Variants in NRXN1 observed in about 807,000 individuals in gnomAD.
NRXN1 encodes the protein neurexin-1.
A neutral mutation model predicts 150.9 loss-of-function variants in NRXN1; 39 were observed. The ratio of observed to expected loss-of-function variants is 0.26; its 90% CI spans 0.20 to 0.34. The LOEUF is 0.34. NRXN1 is among the 10% of genes least tolerant of loss of function. NRXN1 has a pLI of 1.00. For synonymous variants in NRXN1, 924 were observed against 757.0 expected (o/e 1.22, Z -3.62); for missense variants, 1,815 against 1,949.9 (o/e 0.93, Z 1.30).
At chr2:50,118,394 A>G (rs1271114304) in intron 18 of NRXN1, among the ~76,000 whole-genome samples, 1 of 152,118 alleles carries the variant, frequency 6.6e-6, no homozygotes, top group African/African-American at 2.4e-5. Flanking sequence ...AAAAATCTTT[A>G]AATAATTTGA....
At chr2:50,669,961 A>G (rs1365699617) in intron 5 of NRXN1, among the ~76,000 whole-genome samples, 1 of 151,930 alleles carries the variant, frequency 6.6e-6, no homozygotes, top group African/African-American at 2.4e-5. Flanking sequence ...AGGCTAATCC[A>G]AAAGGAGAAC....
intron 19 of NRXN1, among the ~76,000 whole-genome samples, chr2:50,076,918 C>G (rs1260764114): frequency 6.6e-6 from 1 of 152,164 alleles, no homozygotes; most frequent in Non-Finnish European, 1.5e-5. Context: ...ATCATCTGAC[C>G]TGGTGAGGAC....
intron 17 of NRXN1, among the ~76,000 whole-genome samples, chr2:50,342,877 G>T (rs1467866813): frequency 6.6e-6 from 1 of 152,140 alleles, no homozygotes; most frequent in Admixed American, 6.6e-5. Context: ...CCGTCTTTTG[G>T]CCCATTTATG....
intron 17 of NRXN1, among the ~76,000 whole-genome samples, chr2:50,353,533 C>T (rs2078573660): frequency 6.6e-6 from 1 of 152,032 alleles, no homozygotes; most frequent in Non-Finnish European, 1.5e-5. Context: ...TTAAGGGCCC[C>T]TTGTCCCAGT....
intron 17 of NRXN1, among the ~76,000 whole-genome samples, chr2:50,264,620 G>C (rs1313823921): frequency 6.6e-6 from 1 of 152,022 alleles, no homozygotes; most frequent in African/African-American, 2.4e-5. Context: ...GAAGTAGGCT[G>C]TCATGTTCTC....
chr2:50,514,976 G>A (rs997980968), intron 12 of NRXN1, among the ~76,000 whole-genome samples: 9 of 152,026 alleles, frequency 5.9e-5, no homozygotes, highest in Non-Finnish European at 1.0e-4. Context: ...AAGGCTTTAA[G>A]CCCGGGCTCC....
At chr2:50,756,356 T>C (rs937970988) in intron 5 of NRXN1, among the ~76,000 whole-genome samples, 9 of 151,418 alleles carry the variant, frequency 5.9e-5, no homozygotes, top group African/African-American at 1.9e-4. Flanking sequence ...GATGCCAACA[T>C]AGAAATTATG....
At chr2:50,829,929 C>CA (rs1478988662) in intron 5 of NRXN1, among the ~76,000 whole-genome samples, 2 of 138,372 alleles carry the variant, frequency 1.4e-5, no homozygotes, top group Non-Finnish European at 3.0e-5. Flanking sequence ...TAGCAAGACT[C>CA]ACAATGTGAG....
At chr2:50,134,002 C>T (rs954151425) in intron 18 of NRXN1, among the ~76,000 whole-genome samples, 48 of 152,178 alleles carry the variant, frequency 3.2e-4, no homozygotes, top group African/African-American at 1.2e-3. Flanking sequence ...CTTTCACTCG[C>T]CTGGTTACCT....
chr2:50,271,566 T>A (rs976974550), intron 17 of NRXN1, among the ~76,000 whole-genome samples: 1 of 152,154 alleles, frequency 6.6e-6, no homozygotes, highest in Non-Finnish European at 1.5e-5. Flanking sequence ...TTAGGACAGG[T>A]TGAAACCCAA....
chr2:50,083,626 G>C (rs1432385447), intron 19 of NRXN1, among the ~76,000 whole-genome samples: 1 of 152,172 alleles, frequency 6.6e-6, no homozygotes, highest in Admixed American at 6.5e-5. Context: ...GGCTCGGGCA[G>C]CCTGCTTTTA....
chr2:50,529,956 T>C (rs1388597920), intron 11 of NRXN1, among the ~76,000 whole-genome samples: 2 of 152,214 alleles, frequency 1.3e-5, no homozygotes, highest in African/African-American at 4.8e-5. Flanking sequence ...TTTTATATTT[T>C]ATGAGTTATC....
At chr2:50,751,739 G>A (rs1244391632) in intron 5 of NRXN1, among the ~76,000 whole-genome samples, 5 of 151,930 alleles carry the variant, frequency 3.3e-5, no homozygotes, top group Non-Finnish European at 7.4e-5. Flanking sequence ...CCCATGGCCA[G>A]GAAGAAGGGG....
intron 21 of NRXN1, among the ~76,000 whole-genome samples, chr2:50,035,471 T>C (rs1689884270): frequency 6.6e-6 from 1 of 152,130 alleles, no homozygotes; most frequent in African/African-American, 2.4e-5. Flanking sequence ...AAGCAGATTT[T>C]ATAGGAATGT....
At chr2:50,504,470 C>T (rs2092120403) in intron 13 of NRXN1, among the ~76,000 whole-genome samples, 4 of 152,048 alleles carry the variant, frequency 2.6e-5, no homozygotes, top group Non-Finnish European at 4.4e-5. Context: ...GACAAACTGG[C>T]TTAAATGTTC....
At chr2:50,602,643 C>A (rs981687606) in intron 8 of NRXN1, among the ~76,000 whole-genome samples, 4 of 151,964 alleles carry the variant, frequency 2.6e-5, no homozygotes, top group Non-Finnish European at 4.4e-5. Context: ...CCCTTCTTCC[C>A]TTCCTTTCTT....
chr2:50,859,819 T>C (rs950843904), intron 5 of NRXN1, among the ~76,000 whole-genome samples: 1 of 130,202 alleles, frequency 7.7e-6, no homozygotes, highest in Non-Finnish European at 1.7e-5. Flanking sequence ...ACACATTATA[T>C]ACACACACAC....
At chr2:50,677,119 T>C (rs1333578564) in intron 5 of NRXN1, among the ~76,000 whole-genome samples, 1 of 152,158 alleles carries the variant, frequency 6.6e-6, no homozygotes, top group African/African-American at 2.4e-5. Flanking sequence ...TATCCTTCAG[T>C]CTTTACTCTT....
chr2:50,499,402 C>G (rs1344308199), intron 13 of NRXN1, among the ~76,000 whole-genome samples: 1 of 152,122 alleles, frequency 6.6e-6, no homozygotes, highest in Non-Finnish European at 1.5e-5. Context: ...TCTCTCTACC[C>G]TCACTACCAT....
Sources: gnomAD v4.1 joint callset for allele counts (sites outside exome capture counted in the v4.1 genomes callset) on GRCh38, gnomAD v4.1.1 for gene constraint, MANE v1.5 for transcripts, NCBI Gene and HGNC (gene_info 2026-07-23, HGNC 2026-07-21) for gene names.